The following PHF2 variants were observed in gnomAD, a reference collection of about 807,000 sequenced individuals.
PHF2 encodes the protein lysine-specific demethylase PHF2.
A neutral mutation model predicts 120.5 loss-of-function variants in PHF2; 27 were observed. The ratio of observed to expected loss-of-function variants is 0.22; its 90% CI spans 0.17 to 0.31. The LOEUF (loss-of-function observed/expected upper bound fraction) is 0.31. Ranked by LOEUF, PHF2 falls within the 10% of genes least tolerant of loss-of-function variation. The probability of loss-of-function intolerance (pLI) is 1.00; values close to 1 mark genes in which losing one functional copy is unlikely to be tolerated. For missense variants in PHF2, 1,024 were observed against 1,434.8 expected (o/e 0.71, Z 4.63); for synonymous variants, 568 against 592.5 (o/e 0.96, Z 0.60).
Position 93,660,392 on chromosome 9 carries a change from G to GA in PHF2, c.1530_1531insA (p.Pro511ThrfsTer3). ...CATCCAAAATCCCCAAGCCCCCGAA[G>GA]CCCCCTAAGCCCCCAAGGCCCCCCA... On this transcript the variant is annotated frameshift_variant, in exon 12 of 22. Coordinates refer to ENST00000359246, the MANE Select transcript of PHF2 (RefSeq NM_005392.4). LOFTEE classifies it high-confidence loss of function. 2 of 938,748 alleles carry GA rather than the reference G, an allele frequency of 2.1e-6. No homozygotes were observed. Among genetic ancestry groups the GA allele is most frequent in the East Asian group, 5.9e-5 (1 of 17,076 alleles). The allele number at this position is 938,748 out of a possible 1,614,324, so 58.2% of individuals were successfully genotyped here.
chr9:93,577,979 G>C (rs1455866302), intron 1 of PHF2, among the ~76,000 whole-genome samples: 1 of 152,178 alleles, frequency 6.6e-6, no homozygotes, highest in African/African-American at 2.4e-5. Flanking sequence ...GCAAGCAGCC[G>C]GGGGAAAGAG....
chr9:93,577,668 C>G (rs1862853910), intron 1 of PHF2, among the ~76,000 whole-genome samples: 1 of 152,164 alleles, frequency 6.6e-6, no homozygotes, highest in African/African-American at 2.4e-5. Flanking sequence ...GCAGGAACGC[C>G]GGTTTTGACA....
At position 93,641,206 on chromosome 9, in the gene PHF2, T is replaced by A. The variant is rs568343181; in HGVS notation, c.300-4423T>A. Among the ~76,000 whole-genome samples the A allele has an allele frequency of 2.0e-5, 3 of 152,306 alleles. No homozygotes were observed. In the East Asian group the frequency reaches 5.8e-4, roughly 29 times the overall value. On this transcript the variant is annotated intron_variant, in intron 3 of 21. Coordinates refer to ENST00000359246, the MANE Select transcript of PHF2 (RefSeq NM_005392.4). ...GAGGTCGCCAAATGCTTTCCCCATGTCCAGTAGAGTCTGATACAGGGGAGC... is the reference window on the plus strand; with the variant it reads ...GAGGTCGCCAAATGCTTTCCCCATGACCAGTAGAGTCTGATACAGGGGAGC...
chr9:93,647,123 G>A (rs113409787), intron 4 of PHF2, among the ~76,000 whole-genome samples: 5,640 of 152,302 alleles, frequency 0.037, 152 homozygotes, highest in Non-Finnish European at 0.059. Context: ...GTGTACCCCA[G>A]CTGTAATGTT....
At chr9:93,591,674 G>T (rs1461113365) in intron 1 of PHF2, among the ~76,000 whole-genome samples, 1 of 152,192 alleles carries the variant, frequency 6.6e-6, no homozygotes, top group African/African-American at 2.4e-5. Flanking sequence ...CCTGGGCAGG[G>T]TCCATGTGGG....
chr9:93,644,414 G>T (rs1826219529), intron 3 of PHF2, among the ~76,000 whole-genome samples: 1 of 150,972 alleles, frequency 6.6e-6, no homozygotes, highest in East Asian at 1.9e-4. Flanking sequence ...AATTCCAGCA[G>T]CTCCCAGTGC....
At chr9:93,578,035 G>A (rs1187012400) in intron 1 of PHF2, among the ~76,000 whole-genome samples, 1 of 152,222 alleles carries the variant, frequency 6.6e-6, no homozygotes, top group African/African-American at 2.4e-5. Context: ...TTCCAGAGAG[G>A]AGATCCTCCT....
At chr9:93,631,259 G>C (rs1825997880) in intron 2 of PHF2, among the ~76,000 whole-genome samples, 1 of 152,228 alleles carries the variant, frequency 6.6e-6, no homozygotes, top group Non-Finnish European at 1.5e-5. Context: ...CCCAAGGCCT[G>C]AATGCTTTTC....
At chr9:93,618,746 G>C (rs371816724) in intron 1 of PHF2, among the ~76,000 whole-genome samples, 19 of 150,464 alleles carry the variant, frequency 1.3e-4, no homozygotes, top group Non-Finnish European at 2.5e-4. Flanking sequence ...GTATGTGTGT[G>C]TGTATGCCTG....
intron 11 of PHF2, 106 bp downstream of exon 11, chr9:93,659,706 G>A: frequency 1.9e-6 from 2 of 1,032,658 alleles, no homozygotes; most frequent in South Asian, 1.4e-5. Flanking sequence ...GCCAGGTCTG[G>A]GAAGGCCAGT....
intron 1 of PHF2, among the ~76,000 whole-genome samples, chr9:93,582,972 A>T (rs1862960954): frequency 6.6e-6 from 1 of 152,214 alleles, no homozygotes. Context: ...TAGTGTCTTC[A>T]TAGTGTTGAG....
chr9:93,602,434 G>A (rs1825459609), intron 1 of PHF2, among the ~76,000 whole-genome samples: 1 of 151,722 alleles, frequency 6.6e-6, no homozygotes, highest in Non-Finnish European at 1.5e-5. Context: ...TTGTAATTTA[G>A]TAGAGATGGG....
chr9:93,672,270 GT>G (rs1240190379), intron 17 of PHF2, among the ~76,000 whole-genome samples: 1 of 149,848 alleles, frequency 6.7e-6, no homozygotes, highest in Non-Finnish European at 1.5e-5. Flanking sequence ...GCAGGTGTGG[GT>G]GTGGATGTAG....
intron 1 of PHF2, among the ~76,000 whole-genome samples, chr9:93,628,906 T>G (rs571874080): frequency 9.2e-5 from 14 of 152,286 alleles, no homozygotes; most frequent in African/African-American, 3.4e-4. Context: ...CGTCACTTTT[T>G]TTTTGTTTGA....
At chr9:93,622,392 A>G (rs1473794572) in intron 1 of PHF2, among the ~76,000 whole-genome samples, 5 of 152,152 alleles carry the variant, frequency 3.3e-5, no homozygotes, top group Admixed American at 6.5e-5. Flanking sequence ...GAGGGGAGGA[A>G]GGGAAGCTGT....
chr9:93,650,306 C>T (rs1354291188), intron 5 of PHF2, among the ~76,000 whole-genome samples: 4 of 152,122 alleles, frequency 2.6e-5, no homozygotes, highest in Non-Finnish European at 5.9e-5. Context: ...CAACAATAGA[C>T]TCATGACACG....
At chr9:93,639,292 C>T (rs957242941) in intron 3 of PHF2, among the ~76,000 whole-genome samples, 9 of 152,138 alleles carry the variant, frequency 5.9e-5, no homozygotes, top group African/African-American at 2.2e-4. Flanking sequence ...TACATTTCCT[C>T]TGTTAAATAT....
chr9:93,676,801 C>T lies in PHF2; in HGVS notation c.3040C>T (p.Pro1014Ser). The T allele has an allele frequency of 6.4e-7, 1 of 1,553,566 alleles. No homozygotes were observed. The highest frequency in any genetic ancestry group is 8.7e-7 in the Non-Finnish European group (1 of 1,148,254). Residue 1014 changes from proline to serine, a missense_variant, in exon 21 of 22, where the codon CCT becomes TCT. By Grantham distance (74) the Pro-to-Ser change is moderately conservative. Coordinates refer to ENST00000359246, the MANE Select transcript of PHF2 (RefSeq NM_005392.4). ...GGAGGGCAGCTCGCCAGAGCCCCCGCCTGAGTCGCATAGCAGCAGCCTGGC... is the reference window on the plus strand; with the variant it reads ...GGAGGGCAGCTCGCCAGAGCCCCCGTCTGAGTCGCATAGCAGCAGCCTGGC... ...SQEGSSPEPP[P>S]ESHSSSLADH...
intron 1 of PHF2, among the ~76,000 whole-genome samples, chr9:93,590,657 G>A (rs1825199857): frequency 6.6e-6 from 1 of 152,260 alleles, no homozygotes; most frequent in Non-Finnish European, 1.5e-5. Context: ...ACCCCGGCCA[G>A]TGTTCCTGAA....
Sources: gnomAD v4.1 joint callset for allele counts (sites outside exome capture counted in the v4.1 genomes callset) on GRCh38, gnomAD v4.1.1 for gene constraint, MANE v1.5 for transcripts, NCBI Gene and HGNC (gene_info 2026-07-23, HGNC 2026-07-21) for gene names.